The following KDM4B variants were observed in gnomAD, a reference collection of about 807,000 sequenced individuals.
The protein encoded by KDM4B is lysine-specific demethylase 4B.
KDM4B carries 32 observed loss-of-function variants against 125.2 expected under a neutral mutation model. That is an observed-to-expected ratio of 0.26 (90% CI 0.19 to 0.34). The LOEUF is 0.34. KDM4B is among the 10% of genes least tolerant of loss of function. KDM4B has a pLI of 1.00. For synonymous variants in KDM4B, 721 were observed against 677.9 expected (o/e 1.06, Z -0.99); for missense variants, 1,190 against 1,577.7 (o/e 0.75, Z 4.16).
rs1487313742 is a variant in KDM4B, at chr19:5,151,348, G to C, written c.3128G>C (p.Gly1043Ala). Residue 1043 changes from glycine to alanine, a missense_variant, in exon 23 of 23, where the codon GGG becomes GCG. Physicochemically the swap from Gly to Ala is moderately conservative, Grantham distance 60. Transcript: ENST00000159111. Reference protein sequence around the residue: ...RVRSRLSLSTGAPQEPAFSGE... With the variant: ...RVRSRLSLSTAAPQEPAFSGE... ...GCTCTCCCGCAGTCACTGAGCACGG[G>C]GGCACCGCAGGAGCCCGCCTTCTCG... 2 of 1,565,810 alleles carry C rather than the reference G, an allele frequency of 1.3e-6. No individual in the cohort carries two copies. The highest frequency in any genetic ancestry group is 1.9e-5 in the Admixed American group (1 of 53,334).
chr19:5,111,674 G>T, intron 10 of KDM4B: 1 of 727,358 alleles, frequency 1.4e-6, no homozygotes, highest in South Asian at 1.4e-5. Flanking sequence ...GGGAGCCCCT[G>T]AGCATGAGCT....
intron 1 of KDM4B, among the ~76,000 whole-genome samples, chr19:4,998,775 G>A (rs1325395792): frequency 2.0e-5 from 3 of 152,146 alleles, no homozygotes; most frequent in Non-Finnish European, 2.9e-5. Flanking sequence ...TGACTCTGAT[G>A]TTTTGGGGGC....
At chr19:5,029,214 T>G (rs1273987635) in intron 2 of KDM4B, among the ~76,000 whole-genome samples, 1 of 152,264 alleles carries the variant, frequency 6.6e-6, no homozygotes, top group Non-Finnish European at 1.5e-5. Context: ...CCCACCAGCC[T>G]TGGCCCATTT....
intron 1 of KDM4B, among the ~76,000 whole-genome samples, chr19:4,992,746 T>G (rs1311748003): frequency 2.0e-5 from 3 of 152,210 alleles, no homozygotes; most frequent in Non-Finnish European, 4.4e-5. Context: ...CCACTGTGTC[T>G]GGCCATCCTA....
chr19:5,104,840 C>T (rs745664831), intron 9 of KDM4B, among the ~76,000 whole-genome samples: 2 of 152,208 alleles, frequency 1.3e-5, no homozygotes, highest in African/African-American at 2.4e-5. Context: ...GAACCAGAGC[C>T]TGACTCCAGG....
rs1402004867 is a variant in KDM4B, at chr19:4,971,547, G to A, written c.-109+2317G>A. 1.3e-5 allele frequency among the ~76,000 whole-genome samples: 2 copies of A among 152,194 alleles called. No individual in the cohort carries two copies. The highest frequency in any genetic ancestry group is 3.8e-4 in the East Asian group (2 of 5,196). ...TCTGACACCTGTGGGGACGTGCCTT[G>A]GGGTCATGCGTTCACCTGGTCTGGG... On this transcript the variant is annotated intron_variant, in intron 1 of 22. Coordinates refer to ENST00000159111, the MANE Select transcript of KDM4B (RefSeq NM_015015.3). This position sits in a 1 kb window ranked among gnomAD's most constrained non-coding sequence, Gnocchi z 4.1.
rs982780350 is a variant in KDM4B, at chr19:5,035,052, C to T, written c.141+2021C>T. On this transcript the variant is annotated intron_variant, in intron 3 of 22. Transcript: ENST00000159111. The surrounding 1 kb of genome is among the most constrained non-coding windows in gnomAD (Gnocchi z 5.3). ...TGGCACATCTGTGTCCGGGTCAGAA[C>T]GGTGGGGGCTGCTGCCGTCCCGGCT... 6.6e-5 allele frequency among the ~76,000 whole-genome samples: 10 copies of T among 152,144 alleles called. No individual in the cohort carries two copies. The highest frequency in any genetic ancestry group is 3.3e-4 in the Admixed American group (5 of 15,276).
chr19:5,148,965 C>A (rs949486418), intron 21 of KDM4B, among the ~76,000 whole-genome samples: 1 of 152,252 alleles, frequency 6.6e-6, no homozygotes, highest in Non-Finnish European at 1.5e-5. Flanking sequence ...TCCCAGGACA[C>A]GGCCCAGAGG....
chr19:5,010,497 T>C (rs1441017252), intron 1 of KDM4B, among the ~76,000 whole-genome samples: 1 of 152,206 alleles, frequency 6.6e-6, no homozygotes. Context: ...CTCACCAATT[T>C]TTACATTTCC....
intron 10 of KDM4B, chr19:5,119,099 C>G: frequency 6.8e-7 from 1 of 1,478,770 alleles, no homozygotes; most frequent in South Asian, 1.2e-5. Flanking sequence ...AGAAAAAACC[C>G]GTGAAATTTA....
chr19:5,006,620 A>C (rs2035567094), intron 1 of KDM4B, among the ~76,000 whole-genome samples: 1 of 152,028 alleles, frequency 6.6e-6, no homozygotes, highest in Non-Finnish European at 1.5e-5. Context: ...TAAAATTACA[A>C]AAATTAGCTG....
At chr19:5,091,030 C>T (rs1237359031) in intron 9 of KDM4B, among the ~76,000 whole-genome samples, 2 of 152,190 alleles carry the variant, frequency 1.3e-5, no homozygotes, top group African/African-American at 4.8e-5. Context: ...ACTAATGGGG[C>T]AGATCAAAAG....
At chr19:5,030,334 C>A (rs558955406) in intron 2 of KDM4B, among the ~76,000 whole-genome samples, 4 of 152,338 alleles carry the variant, frequency 2.6e-5, no homozygotes, top group South Asian at 4.1e-4. Flanking sequence ...CTGCCCCAGG[C>A]CCTGTCCTTC....
Position 5,114,168 on chromosome 19 carries a change from C to T in KDM4B, c.1115+3350C>T. On this transcript the variant is annotated intron_variant, in intron 10 of 22. Coordinates refer to ENST00000159111, the MANE Select transcript of KDM4B (RefSeq NM_015015.3). The surrounding 1 kb of genome is among the most constrained non-coding windows in gnomAD (Gnocchi z 5.8). ...TGCTCTCTGGCACCCACGCGACGCT[C>T]CTCCATGCAAACTCTTTCCACGCGA... 1.6e-6 allele frequency: 2 copies of T among 1,289,776 alleles called. No individual in the cohort carries two copies. Among genetic ancestry groups the T allele is most frequent in the Non-Finnish European group, 2.0e-6 (2 of 988,852 alleles). 79.9% of individuals were successfully genotyped at this position (1,289,776 alleles called of 1,614,324 possible). A position where few individuals can be genotyped will look rare whatever the true frequency, so the allele number is the denominator to read the frequency against.
At chr19:5,134,431 G>A (rs369256507) in intron 14 of KDM4B, among the ~76,000 whole-genome samples, 2 of 152,142 alleles carry the variant, frequency 1.3e-5, no homozygotes, top group Non-Finnish European at 2.9e-5. Flanking sequence ...CGGGGCTCCC[G>A]CAAACCCTGG....
At chr19:4,990,567 G>A (rs2035000143) in intron 1 of KDM4B, among the ~76,000 whole-genome samples, 1 of 152,170 alleles carries the variant, frequency 6.6e-6, no homozygotes, top group African/African-American at 2.4e-5. Flanking sequence ...TGAGTATTGG[G>A]CAAAGCTCAC....
Position 5,082,183 on chromosome 19 carries a change from A to G in KDM4B, c.781-184A>G, listed in dbSNP as rs537417436. ...GCTGCGGCTGCTCACTATGTCCTTC[A>G]TGAGCCGCGTGGGAAATGGGCTGGA... On this transcript the variant is annotated intron_variant, in intron 8 of 22. Transcript: ENST00000159111. This position sits in a 1 kb window ranked among gnomAD's most constrained non-coding sequence, Gnocchi z 5.4. Among the ~76,000 whole-genome samples the G allele has an allele frequency of 1.1e-4, 17 of 152,280 alleles. No individual in the cohort carries two copies. The highest frequency in any genetic ancestry group is 3.6e-4 in the African/African-American group (15 of 41,562).
chr19:5,137,527 C>G, intron 16 of KDM4B, 94 bp from the exon 17 acceptor site: 1 of 1,344,386 alleles, frequency 7.4e-7, no homozygotes, highest in Admixed American at 2.0e-5. Flanking sequence ...ATATAAGGGC[C>G]GTGGGCTGGG....
chr19:5,036,867 G>A (rs183281866), intron 3 of KDM4B, among the ~76,000 whole-genome samples: 15 of 152,338 alleles, frequency 9.8e-5, no homozygotes, highest in Non-Finnish European at 1.9e-4. Context: ...CAGAGCCTTC[G>A]GGTTTGAGCC....
Sources: gnomAD v4.1 joint callset for allele counts (sites outside exome capture counted in the v4.1 genomes callset) on GRCh38, gnomAD v4.1.1 for gene constraint, Gnocchi (gnomAD v3.1) non-coding constraint, MANE v1.5 for transcripts, NCBI Gene and HGNC (gene_info 2026-07-23, HGNC 2026-07-21) for gene names.